Variants in PRKAR2A observed in about 807,000 individuals in gnomAD.
The protein encoded by PRKAR2A is cAMP-dependent protein kinase type II-alpha regulatory subunit.
Under a neutral mutation model 51.9 loss-of-function variants are expected in PRKAR2A, and 29 were observed. That is an observed-to-expected ratio of 0.56 (90% CI 0.42 to 0.76). The LOEUF (loss-of-function observed/expected upper bound fraction) is 0.76. PRKAR2A is among the 30% of genes least tolerant of loss of function. The pLI is 0.00. For missense variants in PRKAR2A, 445 were observed against 512.1 expected, an observed-to-expected ratio of 0.87 and a Z score of 1.26; for synonymous variants, 178 against 186.2, an observed-to-expected ratio of 0.96 and a Z score of 0.36.
intron 5 of PRKAR2A, among the ~76,000 whole-genome samples, chr3:48,775,023 T>A (rs2082084238): frequency 6.6e-6 from 1 of 152,228 alleles, no homozygotes; most frequent in African/African-American, 2.4e-5. Context: ...GGGAAAGTTA[T>A]TTTTGTTGCT....
chr3:48,775,191 C>A (rs369322759), intron 5 of PRKAR2A, among the ~76,000 whole-genome samples: 19 of 152,004 alleles, frequency 1.2e-4, no homozygotes, highest in Non-Finnish European at 2.2e-4. Context: ...ATAATCCCAG[C>A]GCTTTGGGAG....
chr3:48,754,764 A>T (rs1458823738), intron 9 of PRKAR2A, among the ~76,000 whole-genome samples: 2 of 151,204 alleles, frequency 1.3e-5, no homozygotes, highest in Admixed American at 6.6e-5. Context: ...CAAGAGCGAC[A>T]CTCTAGCTTA....
chr3:48,813,384 C>G (rs1323989386), intron 1 of PRKAR2A, among the ~76,000 whole-genome samples: 1 of 151,934 alleles, frequency 6.6e-6, no homozygotes, highest in Non-Finnish European at 1.5e-5. Context: ...GCCTGGGCTA[C>G]AGAGTAAGAT....
chr3:48,797,669 T>A (rs896591610), intron 2 of PRKAR2A, among the ~76,000 whole-genome samples: 4 of 152,068 alleles, frequency 2.6e-5, no homozygotes, highest in African/African-American at 9.7e-5. Context: ...GGACCCTATA[T>A]CCTAAAACAC....
chr3:48,838,623 A>G (rs536740244), intron 1 of PRKAR2A, among the ~76,000 whole-genome samples: 1 of 147,934 alleles, frequency 6.8e-6, no homozygotes, highest in African/African-American at 2.4e-5. Flanking sequence ...AAAAAAAGAA[A>G]AAAGAAAAGA....
chr3:48,791,592 CAAAAAAAAAAA>C (rs35978535), intron 3 of PRKAR2A, among the ~76,000 whole-genome samples: 1 of 41,814 alleles, frequency 2.4e-5, no homozygotes, highest in African/African-American at 1.1e-4. Flanking sequence ...GATTCCGTCT[CAAAAAAAAAAA>C]AAAAAAAAAA....
intron 9 of PRKAR2A, among the ~76,000 whole-genome samples, chr3:48,754,950 A>T (rs1355836789): frequency 6.7e-6 from 1 of 149,652 alleles, no homozygotes; most frequent in Non-Finnish European, 1.5e-5. Flanking sequence ...AAACAAATCC[A>T]GCTATCTTAC....
Position 48,811,082 on chromosome 3 carries a change from G to A in PRKAR2A, c.263-3398C>T, listed in dbSNP as rs560595154. Among the ~76,000 whole-genome samples the A allele has an allele frequency of 3.3e-5, 5 of 152,174 alleles. No individual in the cohort carries two copies. The South Asian group carries it at 1.0e-3, about 32-fold the overall frequency. On this transcript the variant is annotated intron_variant, in intron 1 of 10. Transcript: ENST00000265563. ...AGTCCCAGCTACTCAGGGGGCTGGG[G>A]TAGGGGATCCATTGAGCCCAGGAGG...
rs76156113 is a variant in PRKAR2A at position 48,832,678 on chromosome 3, T to A, written c.262+14657A>T. 3.0e-3 allele frequency among the ~76,000 whole-genome samples: 457 copies of A among 152,262 alleles called. 7 individuals carry two copies. In the Middle Eastern group the frequency reaches 0.037, roughly 12 times the overall value. On this transcript the variant is annotated intron_variant, in intron 1 of 10. Transcript: ENST00000265563. The stretch of plus-strand genomic sequence containing the variant: ...AATTATTACAAAACGATTTTTTTTT[T>A]AATTTTTTAAGCTGCTCCTTGAGGA...
chr3:48,842,583 A>G (rs1216497007), intron 1 of PRKAR2A, among the ~76,000 whole-genome samples: 3 of 152,184 alleles, frequency 2.0e-5, no homozygotes, highest in Admixed American at 1.3e-4. Context: ...TTTGAGATAC[A>G]TCCCATCAAT....
rs1407761309 is a variant in PRKAR2A at position 48,750,704 on chromosome 3, G to A, written c.*881C>T. 6.5e-6 allele frequency: 1 copy of A among 152,672 alleles called. No individual in the cohort carries two copies. The highest frequency in any genetic ancestry group is 1.9e-4 in the East Asian group (1 of 5,200). 9.5% of individuals were successfully genotyped at this position (152,672 alleles called of 1,614,324 possible). A position where few individuals can be genotyped will look rare whatever the true frequency, so the allele number is the denominator to read the frequency against. ...GTAGGAGTTGCCCAGGAAGGTATTTGGGCTGGACAAAGTGATAGCAACCCT... is the reference window on the plus strand; with the variant it reads ...GTAGGAGTTGCCCAGGAAGGTATTTAGGCTGGACAAAGTGATAGCAACCCT... On this transcript the variant is annotated 3_prime_UTR_variant, in exon 11 of 11. Transcript: ENST00000265563.
intron 1 of PRKAR2A, among the ~76,000 whole-genome samples, chr3:48,834,088 C>T (rs995946845): frequency 2.6e-5 from 4 of 151,352 alleles, no homozygotes; most frequent in Non-Finnish European, 5.9e-5. Flanking sequence ...TTCCACCCAG[C>T]CATACTCTCA....
intron 1 of PRKAR2A, among the ~76,000 whole-genome samples, chr3:48,845,656 T>C (rs2083449670): frequency 6.6e-6 from 1 of 152,150 alleles, no homozygotes; most frequent in Admixed American, 6.6e-5. Flanking sequence ...ATGTAGAAAG[T>C]GTTATTTTGG....
chr3:48,786,520 G>A (rs897667320), intron 4 of PRKAR2A, among the ~76,000 whole-genome samples: 5 of 150,406 alleles, frequency 3.3e-5, no homozygotes, highest in African/African-American at 7.3e-5. Flanking sequence ...CTTGGGGGCC[G>A]GGCGCGGTGG....
At chr3:48,839,192 G>A (rs900660967) in intron 1 of PRKAR2A, among the ~76,000 whole-genome samples, 2 of 152,012 alleles carry the variant, frequency 1.3e-5, no homozygotes, top group East Asian at 3.9e-4. Context: ...GGAGGCTGGG[G>A]CAGGAGAATT....
At chr3:48,831,502 A>G (rs532104721) in intron 1 of PRKAR2A, among the ~76,000 whole-genome samples, 286 of 151,936 alleles carry the variant, frequency 1.9e-3, no homozygotes, top group Non-Finnish European at 3.0e-3. Context: ...TAGTAGCTAC[A>G]ACTATAGGCG....
chr3:48,808,555 T>C (rs1425259478), intron 1 of PRKAR2A, among the ~76,000 whole-genome samples: 1 of 144,764 alleles, frequency 6.9e-6, no homozygotes, highest in Non-Finnish European at 1.5e-5. Flanking sequence ...GCCTGGCCTG[T>C]ATTTTTTTAG....
intron 10 of PRKAR2A, 99 bp from the exon 11 acceptor site, chr3:48,751,817 C>T (rs1279431167): frequency 2.3e-5 from 32 of 1,378,558 alleles, no homozygotes; most frequent in South Asian, 7.2e-5. Context: ...TATGAGATTA[C>T]GCCTTGGGAC....
At chr3:48,768,302 T>TAGAC (rs2081971173) in intron 6 of PRKAR2A, among the ~76,000 whole-genome samples, 1 of 144,070 alleles carries the variant, frequency 6.9e-6, no homozygotes, top group Non-Finnish European at 1.5e-5. Flanking sequence ...AAAAGATAGA[T>TAGAC]AGATAGATAG....
Sources: allele counts gnomAD v4.1 joint callset (sites outside exome capture counted in the v4.1 genomes callset), GRCh38; gene constraint gnomAD v4.1.1; transcripts MANE v1.5; gene names NCBI Gene and HGNC (gene_info 2026-07-23, HGNC 2026-07-21).